PARP4: variants seen among roughly 807,000 people sequenced by gnomAD.
PARP4 encodes the protein poly(ADP-ribose) polymerase family member 4, also known as protein mono-ADP-ribosyltransferase PARP4.
PARP4 carries 120 observed loss-of-function variants against 187.7 expected under a neutral mutation model. The observed-to-expected ratio is 0.64, with a 90% CI of 0.55 to 0.74. The LOEUF is 0.74. Ranked by LOEUF, PARP4 falls within the 30% of genes least tolerant of loss-of-function variation. The pLI is 0.00. For missense variants in PARP4, 1,836 were observed against 2,070.5 expected (o/e 0.89, Z 2.20); for synonymous variants, 654 against 740.9 (o/e 0.88, Z 1.90).
intron 20 of PARP4, among the ~76,000 whole-genome samples, chr13:24,457,770 C>CAAAA (rs33930012): frequency 6.7e-4 from 57 of 85,640 alleles, no homozygotes; most frequent in African/African-American, 2.5e-3. Context: ...GACTCTGTCT[C>CAAAA]AAAAAAAAAA....
intron 31 of PARP4, among the ~76,000 whole-genome samples, chr13:24,432,248 T>C (rs1870379386): frequency 6.6e-6 from 1 of 152,192 alleles, no homozygotes; most frequent in Admixed American, 6.5e-5. Context: ...TATTTTGACA[T>C]ATACAATGTA....
chr13:24,423,533 A>AAAAAT (rs138940651), intron 33 of PARP4, among the ~76,000 whole-genome samples: 6 of 150,838 alleles, frequency 4.0e-5, no homozygotes, highest in Admixed American at 2.6e-4. Flanking sequence ...CTGGCCTCAA[A>AAAAAT]AAATAAATAA....
intron 10 of PARP4, 138 bp from the exon 11 acceptor site, chr13:24,486,443 C>T (rs558844379): frequency 1.6e-6 from 1 of 615,878 alleles, no homozygotes; most frequent in Non-Finnish European, 2.9e-6. Flanking sequence ...CACAGCATAT[C>T]TTGGAAGTAT....
At chr13:24,505,400 G>A (rs557391270) in intron 1 of PARP4, among the ~76,000 whole-genome samples, 3 of 148,700 alleles carry the variant, frequency 2.0e-5, no homozygotes, top group East Asian at 1.9e-4. Context: ...TACAATAAGG[G>A]TTCTGGCCCT....
chr13:24,459,558 C>T, intron 18 of PARP4: 1 of 413,144 alleles, frequency 2.4e-6, no homozygotes, highest in Non-Finnish European at 4.3e-6. Context: ...CACACACACA[C>T]ACACACACAT....
At position 24,460,134 on chromosome 13, in the gene PARP4, G is replaced by T; in HGVS notation, c.2136C>A (p.Asp712Glu). The change falls in exon 18 of 34, where the codon GAC becomes GAA. Residue 712 changes from aspartate to glutamate, a missense_variant and splice_region_variant. Asp to Glu is a conservative substitution (Grantham distance 45, BLOSUM62 2). Transcript: ENST00000381989. ...GAYLMSQDAPDVFTVSVGNLP... is the reference protein window; with the variant it reads ...GAYLMSQDAPEVFTVSVGNLP... ...AGTTTCCAACACTTACAGTAAAAAC[G>T]TCCTGAAACAGAAACATATGACTTA... 6.2e-7 allele frequency: 1 copy of T among 1,611,450 alleles called. No individual in the cohort carries two copies. Among genetic ancestry groups the T allele is most frequent in the Non-Finnish European group, 8.5e-7 (1 of 1,178,816 alleles).
intron 2 of PARP4, 86 bp downstream of exon 2, chr13:24,503,559 A>G: frequency 6.8e-7 from 1 of 1,465,046 alleles, no homozygotes; most frequent in South Asian, 1.2e-5. Context: ...TCCTGCTGCT[A>G]ATCTCTGCTT....
intron 33 of PARP4, among the ~76,000 whole-genome samples, chr13:24,424,885 A>G (rs912840043): frequency 1.0e-4 from 15 of 150,738 alleles, no homozygotes; most frequent in Admixed American, 4.0e-4. Flanking sequence ...GGGTTTCACC[A>G]TGTTAGCCAA....
At chr13:24,445,599 G>A (rs1381674511) in intron 27 of PARP4, among the ~76,000 whole-genome samples, 2 of 152,150 alleles carry the variant, frequency 1.3e-5, no homozygotes, top group Non-Finnish European at 2.9e-5. Context: ...CCTGTGCTTG[G>A]GACTATTCTG....
rs376375021 is a variant in PARP4, at chr13:24,426,527, A to G, written c.4918T>C (p.Leu1640=). The part of the protein sequence containing the change: ...MLVLQFIRTR[L]EKEGIVFKSL... ...TTGAACACTATTCCCTCTTTTTCCA[A>G]CCTGGTGCGAATAAACTGTAGTACC... Residue 1640 remains leucine, a synonymous_variant, in exon 33 of 34, where the codon TTG becomes CTG. Transcript: ENST00000381989. The G allele has an allele frequency of 3.7e-6, 6 of 1,611,786 alleles. No individual in the cohort carries two copies. Among genetic ancestry groups the G allele is most frequent in the Non-Finnish European group, 5.1e-6 (6 of 1,178,492 alleles).
At position 24,503,722 on chromosome 13, in the gene PARP4, G is replaced by A. The variant is rs1222225293; in HGVS notation, c.55C>T (p.Pro19Ser). Residue 19 changes from proline (P) to serine (S), a missense_variant, in exon 2 of 34, where the codon CCT (proline) becomes TCT (serine). Around this residue, in one of 8 missense-constraint regions of PARP4, gnomAD observed 1,147 missense variants for 1,214.2 expected, o/e 0.94. Coordinates refer to ENST00000381989, the MANE Select transcript of PARP4 (RefSeq NM_006437.4). ...CIFCLKVKYL[P>S]QQQKKKLQTD... ...TGTAGCTTTTTCTTCTGCTGCTGAG[G>A]TAAGTACTTCACTTTCAAACAGAAG... 6 of 1,613,648 alleles carry A rather than the reference G, an allele frequency of 3.7e-6. No homozygotes were observed. Among genetic ancestry groups the A allele is most frequent in the African/African-American group, 1.3e-5 (1 of 74,898 alleles).
intron 31 of PARP4, among the ~76,000 whole-genome samples, chr13:24,433,705 C>T (rs1870460277): frequency 6.6e-6 from 1 of 152,014 alleles, no homozygotes; most frequent in Non-Finnish European, 1.5e-5. Flanking sequence ...ATTATCTCCA[C>T]TATATGGATG....
Position 24,498,104 on chromosome 13 carries a change from A to G in PARP4, c.591+12T>C. On this transcript the variant is annotated intron_variant, in intron 6 of 33. Coordinates refer to ENST00000381989, the MANE Select transcript of PARP4 (RefSeq NM_006437.4). ...TCAGTAAACACATAGGAATCAATAT[A>G]AACAGCATTACCTCCATGCCATCAT... is the stretch of plus-strand genomic sequence containing the variant. 1 of 1,564,472 alleles carries G rather than the reference A, an allele frequency of 6.4e-7. No individual in the cohort carries two copies. The highest frequency in any genetic ancestry group is 8.8e-7 in the Non-Finnish European group (1 of 1,134,838).
chr13:24,457,142 T>C (rs909936958), intron 20 of PARP4, among the ~76,000 whole-genome samples: 1 of 151,672 alleles, frequency 6.6e-6, no homozygotes, highest in African/African-American at 2.4e-5. Context: ...AAATAGAAAA[T>C]TCAACAGAAA....
intron 9 of PARP4, 120 bp from the exon 10 acceptor site, chr13:24,490,948 ACTTTATTTATTTTTGAGATGGGTCT>A: frequency 1.1e-6 from 1 of 922,598 alleles, no homozygotes; most frequent in East Asian, 2.6e-5. Context: ...AGCTTGTTTT[ACTTTATTTATTTTTGAGATGGGTCT>A]TGCTCTCACC....
At chr13:24,498,791 G>A (rs979761590) in intron 5 of PARP4, among the ~76,000 whole-genome samples, 6 of 152,044 alleles carry the variant, frequency 3.9e-5, no homozygotes, top group African/African-American at 1.2e-4. Context: ...TAATGCAAAA[G>A]GAATGGAAAC....
At chr13:24,481,583 C>T (rs1159959399) in intron 12 of PARP4, among the ~76,000 whole-genome samples, 1 of 152,188 alleles carries the variant, frequency 6.6e-6, no homozygotes, top group African/African-American at 2.4e-5. Flanking sequence ...ATCCCAGCTA[C>T]TCAAGAGGCT....
At chr13:24,422,759 C>A (rs1046969723) in intron 33 of PARP4, among the ~76,000 whole-genome samples, 1 of 152,044 alleles carries the variant, frequency 6.6e-6, no homozygotes, top group Admixed American at 6.6e-5. Context: ...CAGACACGTG[C>A]CACCACACCC....
chr13:24,464,427 A>T (rs1197913694), intron 17 of PARP4, among the ~76,000 whole-genome samples: 1 of 152,236 alleles, frequency 6.6e-6, no homozygotes, highest in Non-Finnish European at 1.5e-5. Context: ...TCAAAACAGC[A>T]TGGTACTGGT....
Sources: allele counts gnomAD v4.1 joint callset (sites outside exome capture counted in the v4.1 genomes callset), GRCh38; gene constraint gnomAD v4.1.1; regional missense constraint gnomAD v4.1.1; transcripts MANE v1.5; gene names NCBI Gene and HGNC (gene_info 2026-07-23, HGNC 2026-07-21).